ERBB4: variants seen among roughly 807,000 people sequenced by gnomAD.
ERBB4 encodes erb-b2 receptor tyrosine kinase 4, also known as receptor tyrosine-protein kinase erbB-4.
Under a neutral mutation model 158.0 loss-of-function variants are expected in ERBB4, and 42 were observed. The observed-to-expected ratio is 0.27, with a 90% CI of 0.21 to 0.34. The LOEUF is 0.34. Among genes scored for constraint, ERBB4 ranks in the 10% least tolerant of loss-of-function variants. The pLI is 1.00. For missense variants in ERBB4, 1,333 were observed against 1,624.1 expected, an observed-to-expected ratio of 0.82 and a Z score of 3.08; for synonymous variants, 583 against 558.7, an observed-to-expected ratio of 1.04 and a Z score of -0.61.
At chr2:211,861,363 T>TTTTTTTTTG (rs2078050587) in intron 3 of ERBB4, among the ~76,000 whole-genome samples, 1 of 99,754 alleles carries the variant, frequency 1.0e-5, no homozygotes, top group African/African-American at 3.9e-5. Context: ...TTTTTTTTTT[T>TTTTTTTTTG]TTTTTTACTT....
At chr2:211,810,656 CTCTG>C (rs2076729901) in intron 3 of ERBB4, among the ~76,000 whole-genome samples, 2 of 137,496 alleles carry the variant, frequency 1.5e-5, no homozygotes, top group African/African-American at 5.3e-5. Context: ...ATTTGCCAGT[CTCTG>C]TCTTTTTTTT....
At chr2:212,538,215 G>T (rs1190247835) in intron 1 of ERBB4, among the ~76,000 whole-genome samples, 1 of 149,992 alleles carries the variant, frequency 6.7e-6, no homozygotes, top group African/African-American at 2.5e-5. Flanking sequence ...AAAAGCAGGG[G>T]GTTAAGGAGA....
intron 2 of ERBB4, among the ~76,000 whole-genome samples, chr2:212,053,771 T>C (rs953865810): frequency 6.6e-6 from 1 of 152,170 alleles, no homozygotes. Flanking sequence ...CCTGGAAGAC[T>C]CTGGTATCTT....
At position 211,407,685 on chromosome 2, in the gene ERBB4, A is replaced by G. The variant is rs1574428121; in HGVS notation, c.3135+12756T>C. 2.0e-5 allele frequency among the ~76,000 whole-genome samples: 3 copies of G among 152,236 alleles called. No individual in the cohort carries two copies. In the South Asian group the frequency reaches 6.2e-4, roughly 31 times the overall value. On this transcript the variant is annotated intron_variant, in intron 25 of 27. Transcript: ENST00000342788. ...CTCAAGTGTAATGAGAGGCTGGTCC[A>G]CAGCCATTCATTTACAATGTCTGAA... is the stretch of plus-strand genomic sequence containing the variant.
chr2:212,081,656 AT>A (rs2078447168), intron 2 of ERBB4, among the ~76,000 whole-genome samples: 1 of 152,152 alleles, frequency 6.6e-6, no homozygotes, highest in African/African-American at 2.4e-5. Context: ...CTTAAGCTTC[AT>A]TCTCCTGTTT....
intron 3 of ERBB4, among the ~76,000 whole-genome samples, chr2:211,839,987 T>C (rs1164649999): frequency 6.6e-6 from 1 of 152,114 alleles, no homozygotes; most frequent in Admixed American, 6.6e-5. Context: ...CCAGTCCTGT[T>C]ACATGGACAG....
intron 15 of ERBB4, chr2:211,658,077 C>T (rs1231021392): frequency 1.0e-5 from 10 of 980,942 alleles, no homozygotes; most frequent in Admixed American, 4.1e-5. Context: ...TTGATTGTCT[C>T]GAATTCTTAT....
intron 1 of ERBB4, among the ~76,000 whole-genome samples, chr2:212,489,889 T>C (rs1190683047): frequency 1.3e-5 from 2 of 151,836 alleles, no homozygotes; most frequent in Non-Finnish European, 2.9e-5. Flanking sequence ...AGGGCCATGC[T>C]CCTTTTTATG....
chr2:211,503,330 G>A (rs948211494), intron 20 of ERBB4, among the ~76,000 whole-genome samples: 6 of 152,100 alleles, frequency 3.9e-5, no homozygotes, highest in Non-Finnish European at 7.4e-5. Context: ...GGATAGAACT[G>A]AGCTGGCCAC....
intron 8 of ERBB4, among the ~76,000 whole-genome samples, chr2:211,712,780 G>C (rs940066830): frequency 6.0e-5 from 1 of 16,596 alleles, no homozygotes; most frequent in Non-Finnish European, 1.2e-4. Context: ...TGTGTGGGTG[G>C]GGGGGGATGT....
chr2:211,745,750 G>C (rs1290928949), intron 5 of ERBB4, among the ~76,000 whole-genome samples: 1 of 120,558 alleles, frequency 8.3e-6, no homozygotes, highest in Non-Finnish European at 1.8e-5. Context: ...AAAACCCTTA[G>C]GTAAGTATAC....
chr2:212,076,938 T>C (rs1333539912), intron 2 of ERBB4, among the ~76,000 whole-genome samples: 2 of 151,930 alleles, frequency 1.3e-5, no homozygotes, highest in Non-Finnish European at 2.9e-5. Flanking sequence ...TTAGTTCTAT[T>C]GTTTAATAAG....
At chr2:212,270,272 TAAA>T (rs1161794035) in intron 1 of ERBB4, among the ~76,000 whole-genome samples, 3 of 151,750 alleles carry the variant, frequency 2.0e-5, no homozygotes, top group Non-Finnish European at 4.4e-5. Flanking sequence ...TATATGCTAA[TAAA>T]AAACTTAAAA....
At chr2:212,440,508 T>A (rs1193338142) in intron 1 of ERBB4, among the ~76,000 whole-genome samples, 3 of 152,184 alleles carry the variant, frequency 2.0e-5, no homozygotes, top group African/African-American at 7.2e-5. Context: ...TTCATATATA[T>A]CCTATTAGTT....
At chr2:211,836,780 G>A (rs2077352746) in intron 3 of ERBB4, among the ~76,000 whole-genome samples, 1 of 151,802 alleles carries the variant, frequency 6.6e-6, no homozygotes, top group Admixed American at 6.6e-5. Flanking sequence ...AAAATAGCTT[G>A]CTATATATTA....
chr2:211,922,692 A>G (rs1011942925), intron 3 of ERBB4, among the ~76,000 whole-genome samples: 2 of 152,132 alleles, frequency 1.3e-5, no homozygotes, highest in Non-Finnish European at 2.9e-5. Context: ...CAGTGCATAC[A>G]ACTGCTTACG....
At chr2:211,890,548 C>G (rs1289829404) in intron 3 of ERBB4, among the ~76,000 whole-genome samples, 2 of 150,780 alleles carry the variant, frequency 1.3e-5, no homozygotes, top group African/African-American at 4.9e-5. Flanking sequence ...CAAATTCACA[C>G]ATAACAATAT....
chr2:211,829,885 A>G (rs1398799985), intron 3 of ERBB4, among the ~76,000 whole-genome samples: 1 of 152,176 alleles, frequency 6.6e-6, no homozygotes, highest in Non-Finnish European at 1.5e-5. Flanking sequence ...AAATGACATA[A>G]AATATACAAA....
chr2:211,801,412 AGTTAAAAATATTC>A (rs1310518452), intron 3 of ERBB4, among the ~76,000 whole-genome samples: 5 of 152,122 alleles, frequency 3.3e-5, no homozygotes, highest in African/African-American at 1.2e-4. Flanking sequence ...TGCTTGATAT[AGTTAAAAATATTC>A]ATCTTTAGAC....
Sources: allele counts gnomAD v4.1 joint callset (sites outside exome capture counted in the v4.1 genomes callset), GRCh38; gene constraint gnomAD v4.1.1; transcripts MANE v1.5; gene names NCBI Gene and HGNC (gene_info 2026-07-23, HGNC 2026-07-21).